The following ZNG1B variants were observed in gnomAD, a reference collection of about 807,000 sequenced individuals.
The protein encoded by ZNG1B is Zn regulated GTPase metalloprotein activator 1B, also known as zinc-regulated GTPase metalloprotein activator 1B.
chr2:113,494,799 T>C, the ZNG1B span: 2 of 637,774 alleles, frequency 3.1e-6, 1 homozygote, highest in Non-Finnish European at 4.0e-6. Context: ...TAGGATATGA[T>C]ACATATTTCA....
At chr2:113,445,837 C>T in the ZNG1B span, among the ~76,000 whole-genome samples, 39 of 143,554 alleles carry the variant, frequency 2.7e-4, no homozygotes, top group Non-Finnish European at 4.8e-4. Flanking sequence ...GGCATTGGGG[C>T]GATTTGTAAA....
the ZNG1B span, chr2:113,445,056 G>A: frequency 1.2e-6 from 2 of 1,608,816 alleles, no homozygotes; most frequent in Admixed American, 3.3e-5. Context: ...GCAGACCCAG[G>A]TAAGAAGTGA....
the ZNG1B span, among the ~76,000 whole-genome samples, chr2:113,472,211 G>T: frequency 2.0e-5 from 3 of 151,874 alleles, no homozygotes; most frequent in Admixed American, 6.6e-5. Flanking sequence ...TTGTGGTTTT[G>T]ATTTGCATTT....
At chr2:113,484,255 A>G in the ZNG1B span, among the ~76,000 whole-genome samples, 1 of 146,040 alleles carries the variant, frequency 6.8e-6, no homozygotes, top group Non-Finnish European at 1.5e-5. Context: ...ATGATCTAAT[A>G]ATAAACTGGG....
chr2:113,438,949 T>A, the ZNG1B span: 8 of 1,530,182 alleles, frequency 5.2e-6, no homozygotes, highest in South Asian at 8.7e-5. Context: ...CTTTGTAGAC[T>A]GTAAGTTTAT....
chr2:113,486,620 G>T, the ZNG1B span, among the ~76,000 whole-genome samples: 2 of 152,180 alleles, frequency 1.3e-5, no homozygotes, highest in East Asian at 1.9e-4. Flanking sequence ...GCCAGGCATG[G>T]TGGCATGTAC....
At chr2:113,481,008 A>G in the ZNG1B span, among the ~76,000 whole-genome samples, 1 of 151,114 alleles carries the variant, frequency 6.6e-6, no homozygotes, top group Non-Finnish European at 1.5e-5. Context: ...TCTTTTAAAA[A>G]TGTGTATGAT....
the ZNG1B span, among the ~76,000 whole-genome samples, chr2:113,471,817 C>A: frequency 6.6e-6 from 1 of 151,952 alleles, no homozygotes; most frequent in African/African-American, 2.4e-5. Flanking sequence ...TGAACCCATC[C>A]TTTTTTATGG....
the ZNG1B span, among the ~76,000 whole-genome samples, chr2:113,448,851 C>G: frequency 6.6e-6 from 1 of 151,374 alleles, no homozygotes; most frequent in African/African-American, 2.4e-5. Flanking sequence ...TGGCTGTAAG[C>G]TGAGATTGCA....
the ZNG1B span, among the ~76,000 whole-genome samples, chr2:113,488,879 C>T: frequency 6.6e-6 from 1 of 151,978 alleles, no homozygotes; most frequent in South Asian, 2.1e-4. Context: ...TGTTAAATGA[C>T]CAAACCTAAG....
the ZNG1B span, among the ~76,000 whole-genome samples, chr2:113,454,434 T>C: frequency 1.3e-5 from 2 of 151,534 alleles, no homozygotes; most frequent in East Asian, 3.9e-4. Flanking sequence ...ACTTATATTT[T>C]GGATTGTAAG....
the ZNG1B span, among the ~76,000 whole-genome samples, chr2:113,476,672 A>G: frequency 2.7e-5 from 4 of 150,198 alleles, no homozygotes; most frequent in African/African-American, 9.9e-5. Context: ...GTCTTTGATG[A>G]TGGTGATGTA....
chr2:113,487,707 A>AT, the ZNG1B span, among the ~76,000 whole-genome samples: 3 of 144,310 alleles, frequency 2.1e-5, no homozygotes, highest in Non-Finnish European at 2.9e-5. Flanking sequence ...ATATGACGGG[A>AT]TTTTTTTTAA....
the ZNG1B span, chr2:113,437,770 C>G: frequency 2.6e-4 from 396 of 1,546,578 alleles, 6 homozygotes; most frequent in South Asian, 4.3e-3. Flanking sequence ...GACGTCAGGC[C>G]CCGGGCAGGC....
the ZNG1B span, among the ~76,000 whole-genome samples, chr2:113,489,437 A>G: frequency 5.9e-5 from 9 of 152,274 alleles, no homozygotes; most frequent in Admixed American, 5.9e-4. Flanking sequence ...CAAAAATACA[A>G]TTAGAAAAAC....
chr2:113,471,651 G>A, the ZNG1B span, among the ~76,000 whole-genome samples: 28,791 of 106,646 alleles, frequency 0.27, 3,468 homozygotes, highest in East Asian at 0.57. Context: ...ACCCACAACA[G>A]TCCCCAGAAT....
the ZNG1B span, chr2:113,462,643 A>G: frequency 3.6e-6 from 3 of 835,704 alleles, no homozygotes; most frequent in Non-Finnish European, 5.5e-6. Flanking sequence ...GTTGATGGCT[A>G]ATTGTTATAT....
the ZNG1B span, among the ~76,000 whole-genome samples, chr2:113,438,181 C>G: frequency 6.6e-6 from 1 of 152,112 alleles, no homozygotes; most frequent in Non-Finnish European, 1.5e-5. Context: ...TGGGTTGCCT[C>G]TCATCTTGGG....
At chr2:113,453,022 A>G in the ZNG1B span, 2 of 1,454,624 alleles carry the variant, frequency 1.4e-6, no homozygotes, top group Non-Finnish European at 1.9e-6. Context: ...TATAATTTCC[A>G]TAAGAAGATA....
Sources: allele counts gnomAD v4.1 joint callset (sites outside exome capture counted in the v4.1 genomes callset), GRCh38; gene constraint gnomAD v4.1.1; transcripts MANE v1.5; gene names NCBI Gene and HGNC (gene_info 2026-07-23, HGNC 2026-07-21).